Variants in GYG2 observed in about 807,000 individuals in gnomAD.
GYG2 encodes glycogenin-2.
In GYG2, 29 loss-of-function variants were observed where a neutral mutation model predicts 29.4. The observed-to-expected ratio is 0.99, with a 90% confidence interval of 0.74 to 1.35. The LOEUF (loss-of-function observed/expected upper bound fraction) is 1.35, where lower values mean the gene tolerates loss of function less well. GYG2 is among the 40% of genes most tolerant of loss of function. The pLI is 0.00. For missense variants in GYG2, 370 were observed against 385.7 expected, an observed-to-expected ratio of 0.96 and a Z score of 0.34; for synonymous variants, 167 against 172.3, an observed-to-expected ratio of 0.97 and a Z score of 0.24.
At chrX:2,835,526 T>C (rs1321514376) in intron 2 of GYG2, among the ~76,000 whole-genome samples, 1 of 111,918 alleles carries the variant, frequency 8.9e-6, no homozygotes, top group Non-Finnish European at 1.9e-5. Flanking sequence ...AAGATAAGAT[T>C]ATCCTGGAAT....
chrX:2,839,952 G>A (rs1363593092), intron 2 of GYG2, among the ~76,000 whole-genome samples: 5 of 112,075 alleles, frequency 4.5e-5, no homozygotes, highest in South Asian at 7.4e-4. Context: ...GAATGTCCTC[G>A]GATTGCCTGG....
At chrX:2,836,229 G>T (rs2087368666) in intron 2 of GYG2, among the ~76,000 whole-genome samples, 1 of 111,322 alleles carries the variant, frequency 9.0e-6, no homozygotes, top group South Asian at 3.8e-4. Flanking sequence ...GGCAGCTGAT[G>T]GCTTTCACTG....
Position 2,881,355 on chromosome X carries a change from TCA to T in GYG2, c.*147_*148del. 3.9e-6 allele frequency: 2 copies of T among 506,458 alleles called. No individual in the cohort carries two copies. The highest frequency in any genetic ancestry group is 3.1e-6 in the Non-Finnish European group (1 of 321,607). 41.7% of individuals were successfully genotyped at this position (506,458 alleles called of 1,213,427 possible). A position where few individuals can be genotyped will look rare whatever the true frequency, so the allele number is the denominator to read the frequency against. Reference sequence around the variant, plus strand: ...TTTATGCTTAATCCATTTGAGTGCCTCACACAAAAAACGTAGAGTATAGAAAT... The same window carrying T: ...TTTATGCTTAATCCATTTGAGTGCCTCACAAAAAACGTAGAGTATAGAAAT... On this transcript the variant is annotated 3_prime_UTR_variant, in exon 11 of 11. Transcript: ENST00000398806.
intron 8 of GYG2, among the ~76,000 whole-genome samples, chrX:2,867,215 C>G (rs965511206): frequency 9.0e-6 from 1 of 111,560 alleles, no homozygotes; most frequent in Non-Finnish European, 1.9e-5. Context: ...AAAGTGATTG[C>G]AGAACCTGTA....
At chrX:2,844,485 T>C (rs1427032810) in intron 3 of GYG2, among the ~76,000 whole-genome samples, 2 of 109,702 alleles carry the variant, frequency 1.8e-5, no homozygotes, top group East Asian at 5.8e-4. Flanking sequence ...TATATATGTG[T>C]ATATGCACGC....
intron 2 of GYG2, among the ~76,000 whole-genome samples, chrX:2,839,176 T>C (rs756014085): frequency 6.2e-5 from 7 of 112,079 alleles, no homozygotes; most frequent in Non-Finnish European, 9.4e-5. Flanking sequence ...TTCTTGGGCT[T>C]TTTGTTTCCT....
At chrX:2,839,354 T>C (rs947671017) in intron 2 of GYG2, among the ~76,000 whole-genome samples, 9 of 111,198 alleles carry the variant, frequency 8.1e-5, no homozygotes, top group Middle Eastern at 4.6e-3. Context: ...GCACACTTTT[T>C]AGTCTGTTCT....
chrX:2,852,339 A>G (rs1318753013), intron 3 of GYG2, among the ~76,000 whole-genome samples: 1 of 111,716 alleles, frequency 9.0e-6, no homozygotes, highest in Non-Finnish European at 1.9e-5. Flanking sequence ...TGATTACATT[A>G]TTTCAGCTTT....
intron 5 of GYG2, 75 bp downstream of exon 5, chrX:2,855,230 C>A: frequency 1.1e-6 from 1 of 918,454 alleles, no homozygotes; most frequent in Non-Finnish European, 1.5e-6. Context: ...ACGAAGTCAG[C>A]CGTTGACCAT....
chrX:2,861,675 A>C lies in GYG2; in HGVS notation c.991A>C (p.Ile331Leu). 1 of 1,203,248 alleles carries C rather than the reference A, an allele frequency of 8.3e-7. No individual in the cohort carries two copies. The highest frequency in any genetic ancestry group is 1.1e-6 in the Non-Finnish European group (1 of 890,631). Residue 331 changes from isoleucine to leucine, a missense_variant, in exon 8 of 11, where the codon ATA (isoleucine) becomes CTA (leucine). Coordinates refer to ENST00000398806, the MANE Select transcript of GYG2 (RefSeq NM_001079855.2). The part of the protein sequence containing the change: ...PAQGLPEPTQ[I>L]VDETLSLPEG... ...TCAGGGCCTTCCGGAGCCGACCCAG[A>C]TAGTGGATGAGACCCTGTCCCTACC...
At position 2,861,894 on chromosome X, in the gene GYG2, C is replaced by T. The variant is rs112955568; in HGVS notation, c.1038+172C>T. ...CATTTATTTTTGCATTACGGCACAC[C>T]GAATCAAGCTCACCTGCTGAAAGAT... is the stretch of plus-strand genomic sequence containing the variant. On this transcript the variant is annotated intron_variant, in intron 8 of 10. Coordinates refer to ENST00000398806, the MANE Select transcript of GYG2 (RefSeq NM_001079855.2). Among the ~76,000 whole-genome samples the T allele has an allele frequency of 0.011, 1,220 of 111,521 alleles. 20 individuals carry two copies. The highest frequency in any genetic ancestry group is 0.038 in the African/African-American group (1,167 of 30,672).
chrX:2,861,030 T>C (rs910548285), intron 7 of GYG2, among the ~76,000 whole-genome samples: 4 of 97,864 alleles, frequency 4.1e-5, no homozygotes, highest in African/African-American at 1.6e-4. Context: ...AAGCCCGGCC[T>C]TTTTTTTTTT....
chrX:2,843,307 G>A lies in GYG2; in HGVS notation c.102G>A (p.Thr34=). The A allele has an allele frequency of 1.7e-6, 2 of 1,197,711 alleles. No homozygotes were observed. The highest frequency in any genetic ancestry group is 2.3e-6 in the Non-Finnish European group (2 of 884,188). ...AGTCACTGAGGAGACACAGGCTGAC[G>A]AGGAAGCTGGTGGTGTTGATCACTC... ...LGQSLRRHRL[T]RKLVVLITPQ... is the part of the protein sequence containing the mutation. Residue 34 remains threonine, a synonymous_variant, in exon 3 of 11, where the codon ACG becomes ACA. Transcript: ENST00000398806.
chrX:2,834,836 T>G (rs936605516), intron 2 of GYG2, among the ~76,000 whole-genome samples: 2 of 111,795 alleles, frequency 1.8e-5, no homozygotes, highest in Non-Finnish European at 3.8e-5. Flanking sequence ...CCCATAAAAC[T>G]CATGTCCCCC....
chrX:2,844,473 CAT>C (rs1472399470), intron 3 of GYG2, among the ~76,000 whole-genome samples: 1 of 109,659 alleles, frequency 9.1e-6, no homozygotes, highest in Non-Finnish European at 1.9e-5. Flanking sequence ...CACACGTATG[CAT>C]ATATATGTGT....
At chrX:2,837,521 A>G (rs2087400242) in intron 2 of GYG2, among the ~76,000 whole-genome samples, 1 of 110,771 alleles carries the variant, frequency 9.0e-6, no homozygotes, top group African/African-American at 3.3e-5. Context: ...GGTGGACAGA[A>G]CAGTCAGCTC....
Position 2,854,976 on chromosome X carries a change from G to C in GYG2, c.325-17G>C, listed in dbSNP as rs781301500. On this transcript the variant is annotated splice_polypyrimidine_tract_variant and intron_variant, in intron 4 of 10. Transcript: ENST00000398806. ...AAAGAAGCATTGCGGCGGGTTCTGCGTGTTTTGCTTCACCAGGTGCTGTCC... is the reference window on the plus strand; with the variant it reads ...AAAGAAGCATTGCGGCGGGTTCTGCCTGTTTTGCTTCACCAGGTGCTGTCC... The C allele has an allele frequency of 8.3e-7, 1 of 1,205,145 alleles. No individual in the cohort carries two copies. Among genetic ancestry groups the C allele is most frequent in the Non-Finnish European group, 1.1e-6 (1 of 891,172 alleles).
At chrX:2,852,376 C>A (rs888255746) in intron 3 of GYG2, among the ~76,000 whole-genome samples, 36 of 111,645 alleles carry the variant, frequency 3.2e-4, no homozygotes, top group African/African-American at 1.2e-3. Flanking sequence ...CCCTAGCTGG[C>A]CCCCTGTATT....
chrX:2,869,879 C>T (rs1005547838), intron 8 of GYG2, among the ~76,000 whole-genome samples: 3 of 112,379 alleles, frequency 2.7e-5, no homozygotes, highest in African/African-American at 9.7e-5. Context: ...TGGGCTCTAG[C>T]GATCTGCTCA....
Sources: allele counts gnomAD v4.1 joint callset (sites outside exome capture counted in the v4.1 genomes callset), GRCh38; gene constraint gnomAD v4.1.1; transcripts MANE v1.5; gene names NCBI Gene and HGNC (gene_info 2026-07-23, HGNC 2026-07-21).